The following TMEM266 variants were observed in gnomAD, a reference collection of about 807,000 sequenced individuals.
TMEM266 encodes transmembrane protein 266, also known as Hv1 related protein 1.
A neutral mutation model predicts 50.5 loss-of-function variants in TMEM266; 33 were observed. That is an observed-to-expected ratio of 0.65 (90% CI 0.50 to 0.87). The LOEUF is 0.87. Ranked by LOEUF, TMEM266 falls within the 40% of genes least tolerant of loss-of-function variation. TMEM266 has a pLI of 0.00. For missense variants in TMEM266, 655 were observed against 695.1 expected (o/e 0.94, Z 0.65); for synonymous variants, 310 against 292.3 (o/e 1.06, Z -0.62).
intron 1 of TMEM266, among the ~76,000 whole-genome samples, chr15:76,073,041 C>T (rs981678433): frequency 1.3e-5 from 2 of 151,558 alleles, no homozygotes; most frequent in East Asian, 1.9e-4. Context: ...AAGTGATTCT[C>T]CTGCCTCAGC....
chr15:76,170,317 C>T (rs1181884905), intron 6 of TMEM266, among the ~76,000 whole-genome samples: 1 of 152,176 alleles, frequency 6.6e-6, no homozygotes, highest in Non-Finnish European at 1.5e-5. Flanking sequence ...GTGTTGTGCA[C>T]ACAGACAAGG....
At chr15:76,087,132 G>A (rs182793352) in intron 1 of TMEM266, among the ~76,000 whole-genome samples, 52 of 152,232 alleles carry the variant, frequency 3.4e-4, no homozygotes, top group African/African-American at 1.2e-3. Flanking sequence ...TGCTTAAAAT[G>A]TGTGTATTGT....
At chr15:76,182,484 T>A (rs879354226) in intron 8 of TMEM266, among the ~76,000 whole-genome samples, 8 of 149,936 alleles carry the variant, frequency 5.3e-5, no homozygotes, top group African/African-American at 7.4e-5. Context: ...AAAAAAAATA[T>A]ATATAAAAAA....
At chr15:76,188,445 A>G (rs952160485) in intron 8 of TMEM266, among the ~76,000 whole-genome samples, 2 of 152,180 alleles carry the variant, frequency 1.3e-5, no homozygotes, top group African/African-American at 4.8e-5. Context: ...TCTACTAAAA[A>G]TACAAAAATT....
intron 1 of TMEM266, among the ~76,000 whole-genome samples, chr15:76,074,111 T>C (rs893600105): frequency 6.6e-6 from 1 of 152,122 alleles, no homozygotes; most frequent in Non-Finnish European, 1.5e-5. Flanking sequence ...ACATAATGCA[T>C]AAATTGGAAA....
intron 8 of TMEM266, among the ~76,000 whole-genome samples, chr15:76,189,424 A>C (rs1260317822): frequency 6.6e-6 from 1 of 152,224 alleles, no homozygotes; most frequent in Non-Finnish European, 1.5e-5. Context: ...AGTCTTGTCC[A>C]TCAGGACAAA....
At chr15:76,075,109 A>G (rs1253575907) in intron 1 of TMEM266, among the ~76,000 whole-genome samples, 4 of 152,124 alleles carry the variant, frequency 2.6e-5, no homozygotes, top group Admixed American at 2.0e-4. Flanking sequence ...GAAGATGTCA[A>G]GTAGACAGTT....
Position 76,139,518 on chromosome 15 carries a change from G to A in TMEM266, c.227+1623G>A, listed in dbSNP as rs898988542. 6.6e-6 allele frequency among the ~76,000 whole-genome samples: 1 copy of A among 152,152 alleles called. No homozygotes were observed. Among genetic ancestry groups the A allele is most frequent in the African/African-American group, 2.4e-5 (1 of 41,432 alleles). ...GACCTGTGCGGTAGCGCAGAGCCCCGTACTTAGAAGGGTCCCAACACTTGG... is the reference window on the plus strand; with the variant it reads ...GACCTGTGCGGTAGCGCAGAGCCCCATACTTAGAAGGGTCCCAACACTTGG... On this transcript the variant is annotated intron_variant, in intron 3 of 10. Transcript: ENST00000388942. This position sits in a 1 kb window ranked among gnomAD's most constrained non-coding sequence, Gnocchi z 4.1.
intron 7 of TMEM266, among the ~76,000 whole-genome samples, chr15:76,172,871 C>G (rs1046518007): frequency 6.6e-6 from 1 of 152,174 alleles, no homozygotes; most frequent in African/African-American, 2.4e-5. Flanking sequence ...CACCCCCGCT[C>G]GGGGCAGGAT....
chr15:76,175,604 A>T lies in TMEM266; in HGVS notation c.698A>T (p.Gln233Leu). Residue 233 changes from glutamine to leucine, a missense_variant, in exon 8 of 11, where the codon CAG becomes CTG. By Grantham distance (113) the Gln-to-Leu change is moderately radical. Around this residue, in one of 3 missense-constraint regions of TMEM266, gnomAD observed 101 missense variants for 182.6 expected, o/e 0.55. Transcript: ENST00000388942. Reference sequence around the variant, plus strand: ...CTGGAGATGGAGATGGTTATCCAGCAGTACGAGAAGGCCAAGGTCATCCAA... The same window carrying T: ...CTGGAGATGGAGATGGTTATCCAGCTGTACGAGAAGGCCAAGGTCATCCAA... ...IQQYEKAKVI[Q>L]DEQLERLTQI... 1 of 1,614,186 alleles carries T rather than the reference A, an allele frequency of 6.2e-7. No individual in the cohort carries two copies. Among genetic ancestry groups the T allele is most frequent in the Non-Finnish European group, 8.5e-7 (1 of 1,180,012 alleles).
At chr15:76,136,133 C>T (rs989279529) in intron 2 of TMEM266, among the ~76,000 whole-genome samples, 16 of 152,118 alleles carry the variant, frequency 1.1e-4, no homozygotes, top group Admixed American at 7.2e-4. Context: ...TTAGTAGAGA[C>T]GGTTTCACCA....
intron 3 of TMEM266, among the ~76,000 whole-genome samples, chr15:76,143,461 C>T (rs1047684188): frequency 1.3e-5 from 2 of 152,168 alleles, no homozygotes; most frequent in Non-Finnish European, 2.9e-5. Flanking sequence ...GTCAGCTACT[C>T]CCTCCCTCTC....
At chr15:76,088,654 A>G (rs1266279928) in intron 1 of TMEM266, among the ~76,000 whole-genome samples, 1 of 151,972 alleles carries the variant, frequency 6.6e-6, no homozygotes, top group Admixed American at 6.6e-5. Context: ...AAAATTAGCC[A>G]GGCGTGGTGG....
At chr15:76,119,636 G>A (rs187812251) in intron 1 of TMEM266, among the ~76,000 whole-genome samples, 5 of 152,110 alleles carry the variant, frequency 3.3e-5, no homozygotes, top group African/African-American at 1.2e-4. Flanking sequence ...GTATGGTGGA[G>A]AGCCCCTGTA....
intron 1 of TMEM266, among the ~76,000 whole-genome samples, chr15:76,075,930 C>G (rs1226507259): frequency 7.6e-6 from 1 of 132,084 alleles, no homozygotes; most frequent in Admixed American, 9.2e-5. Context: ...AATCATGGGT[C>G]GCTGCTGCAG....
chr15:76,126,594 T>C (rs1434850469), intron 1 of TMEM266, among the ~76,000 whole-genome samples: 1 of 151,568 alleles, frequency 6.6e-6, no homozygotes. Context: ...TGCAGTGGCA[T>C]GATCTCGGCT....
intron 1 of TMEM266, among the ~76,000 whole-genome samples, chr15:76,104,916 A>G (rs961807351): frequency 6.6e-6 from 1 of 151,460 alleles, no homozygotes; most frequent in Non-Finnish European, 1.5e-5. Flanking sequence ...CACCTATGCA[A>G]TCTTTTCTTA....
At chr15:76,197,969 T>A (rs1468694876) in intron 9 of TMEM266, among the ~76,000 whole-genome samples, 1 of 152,172 alleles carries the variant, frequency 6.6e-6, no homozygotes, top group Non-Finnish European at 1.5e-5. Context: ...GGAGGATTAG[T>A]CAGGTTGGGT....
In TMEM266 at chr15:76,085,801, C is replaced by T. The variant is rs549550105; in HGVS notation, c.-97+25785C>T. 2.6e-5 allele frequency among the ~76,000 whole-genome samples: 4 copies of T among 152,222 alleles called. No homozygotes were observed. In the South Asian group the frequency reaches 8.3e-4, roughly 32 times the overall value. On this transcript the variant is annotated intron_variant, in intron 1 of 10. Transcript: ENST00000388942. The stretch of plus-strand genomic sequence containing the variant: ...GTGGCTTACACCTGTAATCCCAGCA[C>T]TTTGGGAGGCCGAGGTGGGCGGATC...
Sources: gnomAD v4.1 joint callset for allele counts (sites outside exome capture counted in the v4.1 genomes callset) on GRCh38, gnomAD v4.1.1 for gene constraint, gnomAD v4.1.1 regional missense constraint, Gnocchi (gnomAD v3.1) non-coding constraint, MANE v1.5 for transcripts, NCBI Gene and HGNC (gene_info 2026-07-23, HGNC 2026-07-21) for gene names.